GABRB1: variants seen among roughly 807,000 people sequenced by gnomAD.
The protein encoded by GABRB1 is gamma-aminobutyric acid type A receptor subunit beta1, also known as gamma-aminobutyric acid receptor subunit beta-1.
A neutral mutation model predicts 51.6 loss-of-function variants in GABRB1; 17 were observed. The ratio of observed to expected loss-of-function variants is 0.33; its 90% CI spans 0.23 to 0.49. GABRB1 has a LOEUF of 0.49. Ranked by LOEUF, GABRB1 falls within the 20% of genes least tolerant of loss-of-function variation. The pLI, the probability that GABRB1 is intolerant of heterozygous loss-of-function variation, is 0.99. For synonymous variants in GABRB1, 247 were observed against 218.9 expected (o/e 1.13, Z -1.14); for missense variants, 410 against 600.6 (o/e 0.68, Z 3.32).
At chr4:47,269,262 T>G (rs1174765813) in intron 4 of GABRB1, among the ~76,000 whole-genome samples, 1 of 152,210 alleles carries the variant, frequency 6.6e-6, no homozygotes, top group Non-Finnish European at 1.5e-5. Flanking sequence ...TGAAACCCTC[T>G]AATCACAAAC....
chr4:47,220,392 G>C (rs1284087896), intron 4 of GABRB1, among the ~76,000 whole-genome samples: 1 of 151,686 alleles, frequency 6.6e-6, no homozygotes, highest in African/African-American at 2.4e-5. Context: ...GGCAGTTTTT[G>C]TACCTATATT....
intron 4 of GABRB1, among the ~76,000 whole-genome samples, chr4:47,165,679 T>C (rs1176283343): frequency 1.3e-5 from 2 of 152,142 alleles, no homozygotes; most frequent in Non-Finnish European, 2.9e-5. Flanking sequence ...CACGATTTGA[T>C]CAGTTTATTG....
chr4:47,141,498 TG>T (rs1471536787), intron 3 of GABRB1, among the ~76,000 whole-genome samples: 1 of 151,998 alleles, frequency 6.6e-6, no homozygotes, highest in Non-Finnish European at 1.5e-5. Flanking sequence ...ATTTGGCAGC[TG>T]GGGAAATAAG....
In GABRB1 at chr4:47,212,171, C is replaced by T. The variant is rs1347084790; in HGVS notation, c.461+50702C>T. ...GACTTTTAATATAAAGCAACACAGC[C>T]AGCTACGCAGATCCTCCAAGGAGAG... On this transcript the variant is annotated intron_variant, in intron 4 of 8. Coordinates refer to ENST00000295454, the MANE Select transcript of GABRB1 (RefSeq NM_000812.4). Among the ~76,000 whole-genome samples, 6 of 152,262 alleles carry T rather than the reference C, an allele frequency of 3.9e-5. No individual in the cohort carries two copies. In the South Asian group the frequency reaches 1.2e-3, roughly 32 times the overall value.
At chr4:47,132,442 GTTT>G (rs1716466922) in intron 3 of GABRB1, among the ~76,000 whole-genome samples, 1 of 123,342 alleles carries the variant, frequency 8.1e-6, no homozygotes, top group Non-Finnish European at 1.8e-5. Flanking sequence ...GTTTGGTTTG[GTTT>G]GGATTGCATC....
At chr4:47,270,301 C>T (rs933493182) in intron 4 of GABRB1, among the ~76,000 whole-genome samples, 1 of 152,064 alleles carries the variant, frequency 6.6e-6, no homozygotes, top group African/African-American at 2.4e-5. Flanking sequence ...TAATTCCTGC[C>T]TATTAGTAAG....
upstream of GABRB1, among the ~76,000 whole-genome samples, chr4:47,030,054 T>C (rs915790110): frequency 6.6e-6 from 1 of 152,186 alleles, no homozygotes; most frequent in Non-Finnish European, 1.5e-5. Flanking sequence ...GTTTATTCAT[T>C]TCCATTTAGA....
intron 5 of GABRB1, among the ~76,000 whole-genome samples, chr4:47,383,477 G>A (rs1342214846): frequency 1.3e-5 from 2 of 151,920 alleles, no homozygotes; most frequent in African/African-American, 4.8e-5. Context: ...AGACTAAAAT[G>A]ATAGATTATA....
intron 4 of GABRB1, among the ~76,000 whole-genome samples, chr4:47,296,170 A>G (rs773071619): frequency 6.6e-6 from 1 of 152,240 alleles, no homozygotes; most frequent in Non-Finnish European, 1.5e-5. Context: ...AATTGTAAAG[A>G]CCATCGAGGC....
chr4:47,343,072 G>C (rs576382305), intron 5 of GABRB1, among the ~76,000 whole-genome samples: 8 of 151,912 alleles, frequency 5.3e-5, no homozygotes, highest in Non-Finnish European at 8.8e-5. Context: ...GAAAATGCCA[G>C]GACCTAACTG....
At chr4:47,425,377 C>CCACACACACACACACACACA (rs34275303) in intron 8 of GABRB1, among the ~76,000 whole-genome samples, 2 of 138,332 alleles carry the variant, frequency 1.4e-5, no homozygotes, top group Non-Finnish European at 3.1e-5. Context: ...AGAAGAAATA[C>CCACACACACACACACACACA]CACACACACA....
chr4:47,284,665 T>G (rs1231166708), intron 4 of GABRB1, among the ~76,000 whole-genome samples: 6 of 152,226 alleles, frequency 3.9e-5, no homozygotes, highest in Non-Finnish European at 8.8e-5. Flanking sequence ...TGTGTTCTCT[T>G]GACAGGATCC....
intron 3 of GABRB1, among the ~76,000 whole-genome samples, chr4:47,126,496 A>G (rs958095741): frequency 6.6e-6 from 1 of 152,174 alleles, no homozygotes; most frequent in African/African-American, 2.4e-5. Flanking sequence ...TTCACAATGT[A>G]TGTGTATTTT....
chr4:47,131,718 A>G (rs1475128411), intron 3 of GABRB1, among the ~76,000 whole-genome samples: 2 of 151,806 alleles, frequency 1.3e-5, no homozygotes, highest in African/African-American at 4.8e-5. Flanking sequence ...TACCTGGGGT[A>G]TTAGGGCCCA....
chr4:47,228,665 C>T (rs532857309), intron 4 of GABRB1, among the ~76,000 whole-genome samples: 10 of 152,044 alleles, frequency 6.6e-5, no homozygotes, highest in South Asian at 4.2e-4. Context: ...AACATGACAC[C>T]GAAAGTAGGA....
chr4:47,234,852 C>T (rs1236938209), intron 4 of GABRB1, among the ~76,000 whole-genome samples: 3 of 152,168 alleles, frequency 2.0e-5, no homozygotes, highest in African/African-American at 7.2e-5. Context: ...CACCCTTTAG[C>T]AGAAAACAAT....
chr4:47,164,110 A>T (rs1718072505), intron 4 of GABRB1, among the ~76,000 whole-genome samples: 1 of 152,180 alleles, frequency 6.6e-6, no homozygotes, highest in African/African-American at 2.4e-5. Flanking sequence ...TCACAAGAAC[A>T]TCATGGGGAA....
chr4:47,277,955 G>T (rs141220771), intron 4 of GABRB1, among the ~76,000 whole-genome samples: 3 of 151,602 alleles, frequency 2.0e-5, no homozygotes, highest in African/African-American at 7.3e-5. Flanking sequence ...TTTCTAAGAG[G>T]GTGTCCATAG....
intron 8 of GABRB1, among the ~76,000 whole-genome samples, chr4:47,417,128 A>G (rs911741688): frequency 2.0e-5 from 3 of 152,172 alleles, no homozygotes; most frequent in African/African-American, 7.2e-5. Context: ...TTCAATCAGT[A>G]GCATGAGGCC....
Sources: gnomAD v4.1 joint callset for allele counts (sites outside exome capture counted in the v4.1 genomes callset) on GRCh38, gnomAD v4.1.1 for gene constraint, MANE v1.5 for transcripts, NCBI Gene and HGNC (gene_info 2026-07-23, HGNC 2026-07-21) for gene names.